Variants in CHN2 observed in about 807,000 individuals in gnomAD.
CHN2 encodes chimerin 2, also known as beta-chimaerin.
In CHN2, 35 loss-of-function variants were observed where a neutral mutation model predicts 56.3. The ratio of observed to expected loss-of-function variants is 0.62; its 90% CI spans 0.47 to 0.82. CHN2 has a LOEUF of 0.82. Among genes scored for constraint, CHN2 ranks in the 40% least tolerant of loss-of-function variants. CHN2 has a pLI of 0.00. For missense variants in CHN2, 491 were observed against 580.5 expected (o/e 0.85, Z 1.58); for synonymous variants, 210 against 212.8 (o/e 0.99, Z 0.12).
In CHN2 at chr7:29,400,576, C is replaced by A; in HGVS notation, c.324C>A (p.Phe108Leu). 1 of 1,614,166 alleles carries A rather than the reference C, an allele frequency of 6.2e-7. No homozygotes were observed. Among genetic ancestry groups the A allele is most frequent in the Middle Eastern group, 1.6e-4 (1 of 6,062 alleles). ...ACCAGACCTTAAACTACAGGCTCTT[C>A]CACGACGGGAAACACTTTGTGGGTG... is the stretch of plus-strand genomic sequence containing the variant. ...FGNQTLNYRL[F>L]HDGKHFVGEK... Residue 108 changes from phenylalanine (F) to leucine (L), a missense_variant, in exon 6 of 13, where the codon TTC becomes TTA. Physicochemically the swap from Phe to Leu is conservative, Grantham distance 22. Coordinates refer to ENST00000222792, the MANE Select transcript of CHN2 (RefSeq NM_004067.4).
intron 1 of CHN2, among the ~76,000 whole-genome samples, chr7:29,353,375 C>G (rs1798031632): frequency 6.6e-6 from 1 of 152,160 alleles, no homozygotes; most frequent in Non-Finnish European, 1.5e-5. Flanking sequence ...GTCTAACAGC[C>G]AGGCGCAGTG....
rs1585483645 is a variant in CHN2 at position 29,463,322 on chromosome 7, A to G, written c.577-16957A>G. Among the ~76,000 whole-genome samples, 4 of 152,246 alleles carry G rather than the reference A, an allele frequency of 2.6e-5. No individual in the cohort carries two copies. In the South Asian group the frequency reaches 8.3e-4, roughly 32 times the overall value. Reference sequence around the variant, plus strand: ...AAACCAGCGGCAGTGAACTTTCCTAATGGAGCAACAGAGCCCATGTAAGGA... The same window carrying G: ...AAACCAGCGGCAGTGAACTTTCCTAGTGGAGCAACAGAGCCCATGTAAGGA... On this transcript the variant is annotated intron_variant, in intron 6 of 12. Coordinates refer to ENST00000222792, the MANE Select transcript of CHN2 (RefSeq NM_004067.4).
intron 1 of CHN2, among the ~76,000 whole-genome samples, chr7:29,249,597 G>A (rs1380730357): frequency 6.6e-6 from 1 of 152,148 alleles, no homozygotes; most frequent in Non-Finnish European, 1.5e-5. Flanking sequence ...GTCACAACCC[G>A]CTAGGTTGTC....
At chr7:29,342,172 C>G (rs915534494) in intron 1 of CHN2, among the ~76,000 whole-genome samples, 11 of 152,050 alleles carry the variant, frequency 7.2e-5, no homozygotes, top group African/African-American at 2.7e-4. Flanking sequence ...TAAGTATTTG[C>G]TGAAAGAATG....
chr7:29,418,528 C>T (rs928225527), intron 6 of CHN2, among the ~76,000 whole-genome samples: 4 of 152,202 alleles, frequency 2.6e-5, no homozygotes, highest in Non-Finnish European at 5.9e-5. Context: ...AGTGGATGTC[C>T]AGAAAATGAA....
intron 3 of CHN2, among the ~76,000 whole-genome samples, chr7:29,390,336 C>T (rs1801266044): frequency 6.6e-6 from 1 of 152,090 alleles, no homozygotes; most frequent in African/African-American, 2.4e-5. Context: ...GCACTAAATC[C>T]CAAGAGCAGA....
chr7:29,249,685 T>A (rs1788339582), intron 1 of CHN2, among the ~76,000 whole-genome samples: 1 of 152,236 alleles, frequency 6.6e-6, no homozygotes, highest in Admixed American at 6.5e-5. Context: ...AATGTATTCA[T>A]CCACGTGTAT....
chr7:29,469,283 G>A (rs144196000), intron 6 of CHN2, among the ~76,000 whole-genome samples: 3 of 152,204 alleles, frequency 2.0e-5, no homozygotes, highest in African/African-American at 7.2e-5. Context: ...CTGAATTTCT[G>A]CCATAGCCTT....
intron 2 of CHN2, among the ~76,000 whole-genome samples, chr7:29,167,481 A>G (rs1231413105): frequency 1.3e-5 from 2 of 152,198 alleles, no homozygotes; most frequent in African/African-American, 2.4e-5. Context: ...CCATATTTGA[A>G]TATGTCTTTG....
At chr7:29,222,553 G>C (rs76968230) in intron 1 of CHN2, among the ~76,000 whole-genome samples, 1 of 152,008 alleles carries the variant, frequency 6.6e-6, no homozygotes, top group Non-Finnish European at 1.5e-5. Flanking sequence ...TAAATCCAAT[G>C]AGAGATGTTC....
chr7:29,290,842 A>C (rs1186373605), intron 1 of CHN2, among the ~76,000 whole-genome samples: 27 of 152,152 alleles, frequency 1.8e-4, no homozygotes, highest in Admixed American at 3.9e-4. Context: ...CAAGTTTTAG[A>C]GCGAGAGTGA....
intron 1 of CHN2, among the ~76,000 whole-genome samples, chr7:29,257,525 C>G (rs1789173789): frequency 6.6e-6 from 1 of 152,182 alleles, no homozygotes; most frequent in South Asian, 2.1e-4. Flanking sequence ...ATCCCAGCAC[C>G]TAGGTTACAG....
intron 1 of CHN2, among the ~76,000 whole-genome samples, chr7:29,204,708 T>G (rs1302287576): frequency 6.6e-6 from 1 of 152,150 alleles, no homozygotes; most frequent in Non-Finnish European, 1.5e-5. Context: ...ACAGAAGTTT[T>G]TGTTCTCTGT....
intron 1 of CHN2, among the ~76,000 whole-genome samples, chr7:29,351,377 C>T (rs1048299454): frequency 1.3e-5 from 2 of 152,066 alleles, no homozygotes; most frequent in East Asian, 1.9e-4. Context: ...AGGCTGGTGA[C>T]GCAGAAGTGA....
At chr7:29,502,936 T>C (rs947449494) in intron 9 of CHN2, among the ~76,000 whole-genome samples, 14 of 152,024 alleles carry the variant, frequency 9.2e-5, no homozygotes, top group Admixed American at 6.6e-4. Flanking sequence ...TGTGTGGTGG[T>C]CCCCTCCCTG....
intron 8 of CHN2, among the ~76,000 whole-genome samples, chr7:29,497,978 G>A (rs951372777): frequency 1.3e-5 from 2 of 152,136 alleles, no homozygotes; most frequent in African/African-American, 2.4e-5. Flanking sequence ...ATGGCCGGTG[G>A]TAGTGGTTGC....
At chr7:29,230,809 G>A (rs556498672) in intron 1 of CHN2, among the ~76,000 whole-genome samples, 2 of 151,182 alleles carry the variant, frequency 1.3e-5, no homozygotes, top group Non-Finnish European at 2.9e-5. Flanking sequence ...AATTTTTTTT[G>A]TGTCTTATCT....
intron 1 of CHN2, among the ~76,000 whole-genome samples, chr7:29,351,504 G>T (rs527298808): frequency 6.6e-6 from 1 of 152,168 alleles, no homozygotes; most frequent in Non-Finnish European, 1.5e-5. Flanking sequence ...AGAAAAATCA[G>T]CTCTCTGTGA....
chr7:29,474,657 T>C (rs144398084), intron 6 of CHN2, among the ~76,000 whole-genome samples: 115 of 152,106 alleles, frequency 7.6e-4, no homozygotes, highest in South Asian at 2.1e-3. Context: ...CTAAGGAAGA[T>C]TCAGACTCAA....
Sources: gnomAD v4.1 joint callset for allele counts (sites outside exome capture counted in the v4.1 genomes callset) on GRCh38, gnomAD v4.1.1 for gene constraint, MANE v1.5 for transcripts, NCBI Gene and HGNC (gene_info 2026-07-23, HGNC 2026-07-21) for gene names.